The following SHISA5 variants were observed in gnomAD, a reference collection of about 807,000 sequenced individuals.
The protein encoded by SHISA5 is protein shisa-5.
Under a neutral mutation model 27.5 loss-of-function variants are expected in SHISA5, and 21 were observed. The observed-to-expected ratio is 0.76, with a 90% CI of 0.54 to 1.10. The LOEUF is 1.10. Among genes scored for constraint, SHISA5 ranks in the 50% least tolerant of loss-of-function variants. The pLI, the probability that SHISA5 is intolerant of heterozygous loss-of-function variation, is 0.00. For synonymous variants in SHISA5, 137 were observed against 142.2 expected, an observed-to-expected ratio of 0.96 and a Z score of 0.26; for missense variants, 314 against 336.3, an observed-to-expected ratio of 0.93 and a Z score of 0.52.
At chr3:48,489,580 C>T (rs2041358487) in intron 2 of SHISA5, among the ~76,000 whole-genome samples, 1 of 149,666 alleles carries the variant, frequency 6.7e-6, no homozygotes, top group Non-Finnish European at 1.5e-5. Flanking sequence ...CCTCGGCCTC[C>T]CAAAGTGCTG....
chr3:48,502,266 C>A (rs563306081), intron 1 of SHISA5: 1 of 400,660 alleles, frequency 2.5e-6, no homozygotes, highest in African/African-American at 2.0e-5. Flanking sequence ...CTCTCACAGA[C>A]CACCCCATAA....
rs1456177966 is a variant in SHISA5 at position 48,484,350 on chromosome 3, C to G, written c.234-5093G>C. ...GTGGCTCATGCCTGTAATCCCTACACTTTGGGAAGCCGAGGCAGGCGGATC... is the reference window on the plus strand; with the variant it reads ...GTGGCTCATGCCTGTAATCCCTACAGTTTGGGAAGCCGAGGCAGGCGGATC... On this transcript the variant is annotated intron_variant, in intron 2 of 5. Coordinates refer to ENST00000296444, the MANE Select transcript of SHISA5 (RefSeq NM_016479.6). Among the ~76,000 whole-genome samples, 6 of 152,318 alleles carry G rather than the reference C, an allele frequency of 3.9e-5. No individual in the cohort carries two copies. The South Asian group carries it at 8.3e-4, about 21-fold the overall frequency.
chr3:48,474,134 C>T (rs1249261073), intron 3 of SHISA5, among the ~76,000 whole-genome samples: 1 of 151,768 alleles, frequency 6.6e-6, no homozygotes, highest in Non-Finnish European at 1.5e-5. Context: ...GTTGCCCAGG[C>T]TGGAGTGCAG....
rs763243062 is a variant in SHISA5, at chr3:48,469,533, G to A, written c.471C>T (p.Ala157=). Residue 157 remains alanine (A), a synonymous_variant, in exon 5 of 6, where the codon GCC becomes GCT. Coordinates refer to ENST00000296444, the MANE Select transcript of SHISA5 (RefSeq NM_016479.6). The surrounding 1 kb of genome is among the most constrained non-coding windows in gnomAD (Gnocchi z 4.6). ...GCACACTTGGAGGCTGAGGATAAGG[G>A]GCATGCACCACAGTGGTGGATGTGG... ...TTTTSTTVVH[A]PYPQPPSVPP... is the part of the protein sequence containing the mutation. The A allele has an allele frequency of 1.2e-6, 2 of 1,613,128 alleles. No individual in the cohort carries two copies. The highest frequency in any genetic ancestry group is 3.3e-5 in the Admixed American group (2 of 59,936).
At chr3:48,496,922 T>C (rs2041570875) in intron 2 of SHISA5, among the ~76,000 whole-genome samples, 1 of 151,724 alleles carries the variant, frequency 6.6e-6, no homozygotes, top group Non-Finnish European at 1.5e-5. Context: ...AAACTCAATA[T>C]AGTAAAATGT....
At chr3:48,472,020 TA>T (rs1402629886) in intron 3 of SHISA5, among the ~76,000 whole-genome samples, 4 of 150,934 alleles carry the variant, frequency 2.7e-5, no homozygotes, top group Non-Finnish European at 5.9e-5. Flanking sequence ...CTGTCTCTAC[TA>T]AAAATACAAA....
At chr3:48,497,454 G>A (rs535855509) in intron 2 of SHISA5, among the ~76,000 whole-genome samples, 1 of 150,682 alleles carries the variant, frequency 6.6e-6, no homozygotes, top group Non-Finnish European at 1.5e-5. Flanking sequence ...GTAGAGATGG[G>A]GTTTCCCCAT....
At chr3:48,493,933 A>G (rs1229681118) in intron 2 of SHISA5, among the ~76,000 whole-genome samples, 1 of 147,844 alleles carries the variant, frequency 6.8e-6, no homozygotes, top group Non-Finnish European at 1.5e-5. Flanking sequence ...GGTAATTAGC[A>G]TATGCATTAC....
chr3:48,473,628 G>A lies in SHISA5; in HGVS notation c.315-3785C>T. The A allele has an allele frequency of 1.7e-6, 2 of 1,188,302 alleles. No individual in the cohort carries two copies. The highest frequency in any genetic ancestry group is 4.8e-4 in the Middle Eastern group (2 of 4,210). The allele number at this position is 1,188,302 out of a possible 1,614,324, so 73.6% of individuals were successfully genotyped here. ...CCACCCTACTGGGGCCACCATGCAA[G>A]GTCCATCATGTCACCACCTGCTCAA... On this transcript the variant is annotated intron_variant, in intron 3 of 5. Coordinates refer to ENST00000296444, the MANE Select transcript of SHISA5 (RefSeq NM_016479.6). This position sits in a 1 kb window ranked among gnomAD's most constrained non-coding sequence, Gnocchi z 4.3.
intron 2 of SHISA5, among the ~76,000 whole-genome samples, chr3:48,483,135 GA>G (rs1302236035): frequency 6.6e-6 from 1 of 151,404 alleles, no homozygotes; most frequent in African/African-American, 2.4e-5. Context: ...GTTTCTCGCA[GA>G]GGGGGATTTG....
rs752052950 is a variant in SHISA5 at position 48,468,918 on chromosome 3, G to A, written c.*189C>T. ...TCTGGTCCCAGCCCACTCTGGCAAG[G>A]ATTGTTCCCCACCTTGTCAGCATCA... On this transcript the variant is annotated 3_prime_UTR_variant, in exon 6 of 6. Transcript: ENST00000296444. 3.7e-5 allele frequency: 57 copies of A among 1,544,216 alleles called. No individual in the cohort carries two copies. Among genetic ancestry groups the A allele is most frequent in the Middle Eastern group, 3.3e-4 (2 of 5,996 alleles).
intron 2 of SHISA5, among the ~76,000 whole-genome samples, chr3:48,486,494 AT>A (rs1191520718): frequency 3.5e-5 from 4 of 113,034 alleles, no homozygotes; most frequent in African/African-American, 1.4e-4. Context: ...CATATTATAT[AT>A]ATTTATAATT....
rs574862479 is a variant in SHISA5, at chr3:48,469,362, A to C, written c.642T>G (p.Ala214=). 49 of 1,582,628 alleles carry C rather than the reference A, an allele frequency of 3.1e-5. No individual in the cohort carries two copies. In the African/African-American group the frequency reaches 5.5e-4, roughly 18 times the overall value. The change falls in exon 5 of 6, where the codon GCT becomes GCG. Residue 214 remains alanine (A), a splice_region_variant and synonymous_variant. Transcript: ENST00000296444. This position sits in a 1 kb window ranked among gnomAD's most constrained non-coding sequence, Gnocchi z 4.6. ...GCTAGAGTTGGCAGGGGCACTCACC[A>C]GCCAGGGTCTCGTGGTAGGCCGGTG... The part of the protein sequence containing the change: ...MGPPAYHETL[A]GGAAAPYPAS...
chr3:48,504,044 C>T lies in SHISA5; in HGVS notation c.51G>A (p.Leu17=), dbSNP rs1193718993. ...CACCCGGAGGCGGCGTTAGCAGCAGCAGCAACAGCAACGGCAACAGGATCC... is the reference window on the plus strand; with the variant it reads ...CACCCGGAGGCGGCGTTAGCAGCAGTAGCAACAGCAACGGCAACAGGATCC... ...APRILLPLLL[L]LLLTPPPGAR... is the part of the protein sequence containing the mutation. Residue 17 remains leucine (L), a synonymous_variant, in exon 1 of 6, where the codon CTG becomes CTA. Transcript: ENST00000296444. The surrounding 1 kb of genome is among the most constrained non-coding windows in gnomAD (Gnocchi z 4.0). The T allele has an allele frequency of 4.1e-6, 6 of 1,461,650 alleles. No individual in the cohort carries two copies. In the Admixed American group the frequency reaches 9.8e-5, roughly 24 times the overall value. 90.5% of individuals were successfully genotyped at this position (1,461,650 alleles called of 1,614,324 possible). A position where few individuals can be genotyped will look rare whatever the true frequency, so the allele number is the denominator to read the frequency against.
intron 1 of SHISA5, chr3:48,502,280 T>C: frequency 2.4e-6 from 1 of 424,778 alleles, no homozygotes; most frequent in Non-Finnish European, 4.8e-6. Context: ...CCCATAACCA[T>C]GATGGCAGGC....
intron 2 of SHISA5, among the ~76,000 whole-genome samples, chr3:48,497,848 C>T (rs1210768391): frequency 6.6e-6 from 1 of 151,082 alleles, no homozygotes; most frequent in Admixed American, 6.6e-5. Context: ...AGTGACTGCA[C>T]CACTGCACTC....
chr3:48,469,372 T>G lies in SHISA5; in HGVS notation c.632A>C (p.Glu211Ala). ...GCAGGGGCACTCACCAGCCAGGGTC[T>G]CGTGGTAGGCCGGTGGGCCCATGGG... ...AQPMGPPAYH[E>A]TLAGGAAAPY... Residue 211 changes from glutamate (E) to alanine (A), a missense_variant, in exon 5 of 6, where the codon GAG becomes GCG. Transcript: ENST00000296444. The surrounding 1 kb of genome is among the most constrained non-coding windows in gnomAD (Gnocchi z 4.6). 6.3e-7 allele frequency: 1 copy of G among 1,587,776 alleles called. No homozygotes were observed. The highest frequency in any genetic ancestry group is 8.6e-7 in the Non-Finnish European group (1 of 1,164,256).
rs560962550 is a variant in SHISA5 at position 48,479,203 on chromosome 3, G to C, written c.288C>G (p.Arg96=). The stretch of plus-strand genomic sequence containing the variant: ...CTGACATGGGGTCGTTGTAGCCAGG[G>C]CGAAACCTCAGCGCCGAGCCCAGCT... ...VEQLGSALRF[R]PGYNDPMSGF... is the part of the protein sequence containing the mutation. The change falls in exon 3 of 6, where the codon CGC becomes CGG. Residue 96 remains arginine, a synonymous_variant. Coordinates refer to ENST00000296444, the MANE Select transcript of SHISA5 (RefSeq NM_016479.6). 5 of 1,610,662 alleles carry C rather than the reference G, an allele frequency of 3.1e-6. No homozygotes were observed. The Admixed American group carries it at 8.4e-5, about 27-fold the overall frequency.
chr3:48,491,696 G>C (rs1343812823), intron 2 of SHISA5, among the ~76,000 whole-genome samples: 1 of 151,950 alleles, frequency 6.6e-6, no homozygotes, highest in African/African-American at 2.4e-5. Context: ...TCCCAGGCTG[G>C]AGTAGAGTGG....
Sources: gnomAD v4.1 joint callset for allele counts (sites outside exome capture counted in the v4.1 genomes callset) on GRCh38, gnomAD v4.1.1 for gene constraint, Gnocchi (gnomAD v3.1) non-coding constraint, MANE v1.5 for transcripts, NCBI Gene and HGNC (gene_info 2026-07-23, HGNC 2026-07-21) for gene names.